The following CCDC149 variants were observed in gnomAD, a reference collection of about 807,000 sequenced individuals.
CCDC149 encodes coiled-coil domain containing 149.
In CCDC149, 45 loss-of-function variants were observed where a neutral mutation model predicts 59.9. The observed-to-expected ratio is 0.75, with a 90% CI of 0.59 to 0.96. The LOEUF is 0.96. CCDC149 is among the 40% of genes least tolerant of loss of function. CCDC149 has a pLI of 0.00. For missense variants in CCDC149, 584 were observed against 664.7 expected, an observed-to-expected ratio of 0.88 and a Z score of 1.33; for synonymous variants, 245 against 260.6, an observed-to-expected ratio of 0.94 and a Z score of 0.58.
chr4:24,919,492 A>G (rs1231277984), intron 1 of CCDC149, among the ~76,000 whole-genome samples: 2 of 152,236 alleles, frequency 1.3e-5, no homozygotes, highest in African/African-American at 4.8e-5. Context: ...GTTAAACAAC[A>G]ATAACAACCT....
chr4:24,907,647 A>T lies in CCDC149; in HGVS notation c.63+5170T>A, dbSNP rs1048919341. ...CTCAAAGATGGAGAGAAACTGTCTG[A>T]GTGGTGAATCAGCCAAAAGCCAGCC... On this transcript the variant is annotated intron_variant, in intron 1 of 12. Transcript: ENST00000635206. Among the ~76,000 whole-genome samples the T allele has an allele frequency of 2.0e-5, 3 of 152,204 alleles. No homozygotes were observed. The South Asian group carries it at 6.2e-4, about 31-fold the overall frequency.
intron 1 of CCDC149, among the ~76,000 whole-genome samples, chr4:24,960,878 GAACAGCAGTAA>G (rs1329091638): frequency 6.6e-6 from 1 of 152,182 alleles, no homozygotes; most frequent in African/African-American, 2.4e-5. Context: ...TAATAGGTTT[GAACAGCAGTAA>G]AACCAATTTG....
chr4:24,912,761 G>A, intron 1 of CCDC149, 56 bp downstream of exon 1: 1 of 1,168,172 alleles, frequency 8.6e-7, no homozygotes, highest in Non-Finnish European at 1.1e-6. Context: ...GCGCGGGCCC[G>A]GGGCTGGCGG....
chr4:24,968,383 A>G (rs1347496245), intron 1 of CCDC149, among the ~76,000 whole-genome samples: 1 of 152,244 alleles, frequency 6.6e-6, no homozygotes, highest in Non-Finnish European at 1.5e-5. Context: ...GAATGGATGC[A>G]TTCACGGGTA....
chr4:24,906,327 A>G (rs542011565), intron 1 of CCDC149, among the ~76,000 whole-genome samples: 4 of 132,630 alleles, frequency 3.0e-5, no homozygotes, highest in African/African-American at 1.1e-4. Flanking sequence ...GGGCAGCATA[A>G]TAATTAGCCC....
intron 1 of CCDC149, among the ~76,000 whole-genome samples, chr4:24,939,645 GA>G (rs895125770): frequency 9.7e-4 from 146 of 151,290 alleles, no homozygotes; most frequent in Admixed American, 1.5e-3. Context: ...TAAAAACGTT[GA>G]AAAAAAAATA....
chr4:24,863,890 T>C lies in CCDC149; in HGVS notation c.264+9791A>G, dbSNP rs1400900345. On this transcript the variant is annotated intron_variant, in intron 3 of 12. Transcript: ENST00000635206. ...GATTGTGAGGTTCAGCTCCAGCCAA[T>C]GGATGCAGGACACAGCGGTAAGGAT... Among the ~76,000 whole-genome samples the C allele has an allele frequency of 2.0e-5, 3 of 152,376 alleles. No individual in the cohort carries two copies. In the East Asian group the frequency reaches 5.8e-4, roughly 29 times the overall value.
At chr4:24,941,953 A>G (rs1283931764) in intron 1 of CCDC149, among the ~76,000 whole-genome samples, 1 of 152,232 alleles carries the variant, frequency 6.6e-6, no homozygotes, top group Non-Finnish European at 1.5e-5. Flanking sequence ...TCACAGCCGA[A>G]TTCTACCAGA....
At chr4:24,909,638 C>A (rs982776866) in intron 1 of CCDC149, among the ~76,000 whole-genome samples, 3 of 152,160 alleles carry the variant, frequency 2.0e-5, no homozygotes, top group Non-Finnish European at 4.4e-5. Context: ...CCCATAACTC[C>A]CACATGTTGT....
At chr4:24,850,665 C>T (rs1163637698) in intron 4 of CCDC149, among the ~76,000 whole-genome samples, 1 of 152,046 alleles carries the variant, frequency 6.6e-6, no homozygotes, top group Non-Finnish European at 1.5e-5. Context: ...GCCTAGGCAC[C>T]AGGAGGTAGA....
At chr4:24,873,613 G>T in intron 3 of CCDC149, 68 bp downstream of exon 3, 1 of 1,032,936 alleles carries the variant, frequency 9.7e-7, no homozygotes, top group South Asian at 1.3e-5. Context: ...TACATTTTGA[G>T]ATTCCCTGAT....
chr4:24,857,826 G>C (rs1348310294), intron 3 of CCDC149, among the ~76,000 whole-genome samples: 1 of 152,194 alleles, frequency 6.6e-6, no homozygotes, highest in Non-Finnish European at 1.5e-5. Flanking sequence ...CTGGAGTACA[G>C]TGGGGTGGGG....
chr4:24,965,919 C>T (rs1362197853), intron 1 of CCDC149, among the ~76,000 whole-genome samples: 1 of 152,228 alleles, frequency 6.6e-6, no homozygotes, highest in African/African-American at 2.4e-5. Context: ...CCCACGTAAG[C>T]TCATGCTTGG....
chr4:24,854,849 G>C (rs1388702577), intron 3 of CCDC149, among the ~76,000 whole-genome samples: 3 of 152,074 alleles, frequency 2.0e-5, no homozygotes, highest in African/African-American at 7.2e-5. Context: ...TCTCTGTTTA[G>C]AATGCTCTCC....
intron 3 of CCDC149, among the ~76,000 whole-genome samples, chr4:24,858,561 G>C (rs1236027043): frequency 6.6e-6 from 1 of 152,142 alleles, no homozygotes; most frequent in Non-Finnish European, 1.5e-5. Context: ...GGGAAAGGGA[G>C]GGAAGAGAGA....
rs142595842 is a variant in CCDC149 at position 24,889,515 on chromosome 4, G to A, written c.64-12818C>T. Among the ~76,000 whole-genome samples, 42 of 152,214 alleles carry A rather than the reference G, an allele frequency of 2.8e-4. No homozygotes were observed. In the East Asian group the frequency reaches 7.5e-3, roughly 27 times the overall value. ...GTTCAGGATGAAGCACTAAAATTACGCATGCATCTGAAACCCTCTCTTTGC... is the reference window on the plus strand; with the variant it reads ...GTTCAGGATGAAGCACTAAAATTACACATGCATCTGAAACCCTCTCTTTGC... On this transcript the variant is annotated intron_variant, in intron 1 of 12. Coordinates refer to ENST00000635206, the MANE Select transcript of CCDC149 (RefSeq NM_001330643.2).
At chr4:24,867,502 T>C (rs1278799261) in intron 3 of CCDC149, among the ~76,000 whole-genome samples, 1 of 152,192 alleles carries the variant, frequency 6.6e-6, no homozygotes, top group African/African-American at 2.4e-5. Context: ...ATACAAAGTG[T>C]TTCAAAGACT....
In CCDC149 at chr4:24,852,287, TACACACACACACACAC is replaced by T. The variant is rs768071017; in HGVS notation, c.372+769_372+784del. Among the ~76,000 whole-genome samples the T allele has an allele frequency of 1.6e-4, 20 of 121,356 alleles. 1 individual carries two copies. The highest frequency in any genetic ancestry group is 1.0e-3 in the Admixed American group (12 of 11,718). 79.6% of individuals were successfully genotyped at this position (121,356 alleles called of 152,430 possible). On this transcript the variant is annotated intron_variant, in intron 4 of 12. Transcript: ENST00000635206. ...AGAACTGCTCCCCTCCAACACACCATACACACACACACACACACACACACACACACACACACACACA... is the reference window on the plus strand; with the variant it reads ...AGAACTGCTCCCCTCCAACACACCATACACACACACACACACACACACACA...
chr4:24,920,351 T>C (rs1305065324), intron 1 of CCDC149, among the ~76,000 whole-genome samples: 4 of 152,242 alleles, frequency 2.6e-5, no homozygotes, highest in African/African-American at 9.6e-5. Context: ...GGCTGTCAAG[T>C]GAAGCCCCGC....
Sources: gnomAD v4.1 joint callset for allele counts (sites outside exome capture counted in the v4.1 genomes callset) on GRCh38, gnomAD v4.1.1 for gene constraint, MANE v1.5 for transcripts, NCBI Gene and HGNC (gene_info 2026-07-23, HGNC 2026-07-21) for gene names.